Variants in TBC1D15 observed in about 807,000 individuals in gnomAD.
The protein encoded by TBC1D15 is TBC1 domain family member 15.
Under a neutral mutation model 95.4 loss-of-function variants are expected in TBC1D15, and 39 were observed. The ratio of observed to expected loss-of-function variants is 0.41; its 90% CI spans 0.32 to 0.53. The LOEUF is 0.53. TBC1D15 is among the 20% of genes least tolerant of loss of function. The pLI is 0.29. For synonymous variants in TBC1D15, 258 were observed against 261.3 expected (o/e 0.99, Z 0.12); for missense variants, 733 against 794.3 (o/e 0.92, Z 0.93).
Position 71,923,972 on chromosome 12 carries a change from A to G in TBC1D15, c.*768A>G, listed in dbSNP as rs1196828107. 1 of 152,560 alleles carries G rather than the reference A, an allele frequency of 6.6e-6. No individual in the cohort carries two copies. Among genetic ancestry groups the G allele is most frequent in the Non-Finnish European group, 1.5e-5 (1 of 67,996 alleles). 9.5% of individuals were successfully genotyped at this position (152,560 alleles called of 1,614,324 possible). A position where few individuals can be genotyped will look rare whatever the true frequency, so the allele number is the denominator to read the frequency against. ...TTCAAAACTATTTTCTTAAACATTT[A>G]TTTCATGAGATTATGTTCAACCCTG... On this transcript the variant is annotated 3_prime_UTR_variant, in exon 17 of 17. Transcript: ENST00000485960.
At chr12:71,849,698 A>G in intron 1 of TBC1D15, 2 of 551,488 alleles carry the variant, frequency 3.6e-6, no homozygotes, top group Non-Finnish European at 6.9e-6. Flanking sequence ...GGTCAGTCCC[A>G]GTACTGCTCT....
In TBC1D15 at chr12:71,864,506, T is replaced by G. The variant is rs529088102; in HGVS notation, c.31-7564T>G. ...TTGAGTGTTTTTTTTTTTTGTTTGT[T>G]TGTTTGTTTTGTTTTGTTTGAGATG... is the stretch of plus-strand genomic sequence containing the variant. On this transcript the variant is annotated intron_variant, in intron 1 of 16. Coordinates refer to ENST00000485960, the MANE Select transcript of TBC1D15 (RefSeq NM_001146213.3). Among the ~76,000 whole-genome samples, 15 of 152,036 alleles carry G rather than the reference T, an allele frequency of 9.9e-5. No individual in the cohort carries two copies. The South Asian group carries it at 3.1e-3, about 32-fold the overall frequency.
intron 11 of TBC1D15, among the ~76,000 whole-genome samples, chr12:71,912,735 A>C (rs1219038582): frequency 6.6e-6 from 1 of 152,106 alleles, no homozygotes; most frequent in African/African-American, 2.4e-5. Flanking sequence ...AAAAATGTAA[A>C]CTTTGGATTC....
intron 5 of TBC1D15, among the ~76,000 whole-genome samples, chr12:71,889,481 T>C (rs546868759): frequency 1.4e-4 from 21 of 152,256 alleles, no homozygotes; most frequent in African/African-American, 4.8e-4. Context: ...TGCCCAAATA[T>C]ATTATGCCAT....
At chr12:71,859,498 TCTC>T (rs140678323) in intron 1 of TBC1D15, among the ~76,000 whole-genome samples, 5,594 of 152,262 alleles carry the variant, frequency 0.037, 423 homozygotes, top group East Asian at 0.28. Context: ...TTTGCATTCT[TCTC>T]TGTAAAATCT....
chr12:71,911,381 C>T (rs567242256), intron 11 of TBC1D15, among the ~76,000 whole-genome samples: 8 of 151,856 alleles, frequency 5.3e-5, no homozygotes, highest in Admixed American at 4.6e-4. Context: ...TCCAAATGTC[C>T]AATAATGATA....
intron 1 of TBC1D15, chr12:71,854,507 A>G (rs1019088224): frequency 2.2e-6 from 1 of 453,368 alleles, no homozygotes; most frequent in Admixed American, 2.4e-5. Context: ...AGATTTTACC[A>G]TTTCCTTCTT....
intron 3 of TBC1D15, among the ~76,000 whole-genome samples, chr12:71,876,304 T>C (rs1448706352): frequency 6.6e-6 from 1 of 152,014 alleles, no homozygotes; most frequent in Admixed American, 6.6e-5. Flanking sequence ...ACACTGCTAT[T>C]TTTTTTTCCA....
At position 71,913,925 on chromosome 12, in the gene TBC1D15, T is replaced by C. The variant is rs370865879; in HGVS notation, c.1400T>C (p.Met467Thr). 1.3e-6 allele frequency: 2 copies of C among 1,582,376 alleles called. No homozygotes were observed. The highest frequency in any genetic ancestry group is 1.4e-5 in the African/African-American group (1 of 72,674). Residue 467 changes from methionine (M) to threonine (T), a missense_variant and splice_region_variant, in exon 12 of 17, where the codon ATG becomes ACG. Physicochemically the swap from Met to Thr is moderately conservative, Grantham distance 81. Coordinates refer to ENST00000485960, the MANE Select transcript of TBC1D15 (RefSeq NM_001146213.3). ...FWCFASYMDQ[M>T]HQNFEEQMQG... is the part of the protein sequence containing the mutation. Reference sequence around the variant, plus strand: ...TGCTTTGCCTCTTACATGGACCAAATGGTAAGAACAGAGATTCCTTCCATT... The same window carrying C: ...TGCTTTGCCTCTTACATGGACCAAACGGTAAGAACAGAGATTCCTTCCATT...
chr12:71,842,683 T>C (rs1423753467), intron 1 of TBC1D15, among the ~76,000 whole-genome samples: 2 of 151,092 alleles, frequency 1.3e-5, no homozygotes, highest in Non-Finnish European at 2.9e-5. Flanking sequence ...ATAAAAAAAT[T>C]AGCTAGTTGT....
intron 12 of TBC1D15, among the ~76,000 whole-genome samples, chr12:71,914,899 C>T: frequency 6.6e-6 from 1 of 151,858 alleles, no homozygotes; most frequent in Admixed American, 6.6e-5. Flanking sequence ...TTCAAATTTT[C>T]CCTGCTTGTG....
intron 9 of TBC1D15, 38 bp downstream of exon 9, chr12:71,896,818 C>A (rs777993087): frequency 2.0e-5 from 31 of 1,522,320 alleles, no homozygotes; most frequent in Non-Finnish European, 2.7e-5. Flanking sequence ...CAAAGAGATT[C>A]AAGTAACCCA....
intron 11 of TBC1D15, 178 bp downstream of exon 11, chr12:71,907,316 T>G (rs1324847227): frequency 7.3e-6 from 3 of 409,312 alleles, no homozygotes; most frequent in South Asian, 1.1e-4. Context: ...CCTGGGTTGC[T>G]GCAGCAAACT....
At position 71,872,954 on chromosome 12, in the gene TBC1D15, G is replaced by A. The variant is rs756211167; in HGVS notation, c.155G>A (p.Arg52Lys). Residue 52 changes from arginine to lysine, a missense_variant, in exon 3 of 17, where the codon AGA becomes AAA. Physicochemically the swap from Arg to Lys is conservative, Grantham distance 26. Transcript: ENST00000485960. ...EKDAEVIVDW[R>K]PLDDALDSSS... is the part of the protein sequence containing the mutation. Reference sequence around the variant, plus strand: ...GATGCCGAAGTAATAGTGGACTGGAGACCATTGGATGATGCATTAGATTCC... The same window carrying A: ...GATGCCGAAGTAATAGTGGACTGGAAACCATTGGATGATGCATTAGATTCC... 1 of 1,609,412 alleles carries A rather than the reference G, an allele frequency of 6.2e-7. No individual in the cohort carries two copies. Among genetic ancestry groups the A allele is most frequent in the Admixed American group, 1.7e-5 (1 of 59,038 alleles).
chr12:71,916,267 G>C (rs531548044), intron 12 of TBC1D15, among the ~76,000 whole-genome samples: 3 of 151,976 alleles, frequency 2.0e-5, no homozygotes, highest in African/African-American at 7.2e-5. Flanking sequence ...CCACTTTTTC[G>C]AATATGGTGT....
intron 1 of TBC1D15, among the ~76,000 whole-genome samples, chr12:71,848,571 A>G (rs1886923981): frequency 6.6e-6 from 1 of 151,260 alleles, no homozygotes; most frequent in Non-Finnish European, 1.5e-5. Context: ...TGTTCTTTTT[A>G]TGTCCTGGAT....
At chr12:71,866,151 C>T (rs1891451497) in intron 1 of TBC1D15, among the ~76,000 whole-genome samples, 2 of 151,866 alleles carry the variant, frequency 1.3e-5, no homozygotes, top group African/African-American at 4.8e-5. Flanking sequence ...GGGGATGGGC[C>T]AGTGGGCTGG....
intron 1 of TBC1D15, among the ~76,000 whole-genome samples, chr12:71,857,155 G>A (rs1889286135): frequency 6.6e-6 from 1 of 150,608 alleles, no homozygotes; most frequent in Admixed American, 6.6e-5. Context: ...TTGCTTTACT[G>A]CCCAGGATGG....
At chr12:71,918,826 T>G (rs1868287193) in intron 14 of TBC1D15, among the ~76,000 whole-genome samples, 1 of 152,232 alleles carries the variant, frequency 6.6e-6, no homozygotes, top group South Asian at 2.1e-4. Context: ...TTGTTCTTCC[T>G]TTGTGAGACT....
Sources: allele counts gnomAD v4.1 joint callset (sites outside exome capture counted in the v4.1 genomes callset), GRCh38; gene constraint gnomAD v4.1.1; transcripts MANE v1.5; gene names NCBI Gene and HGNC (gene_info 2026-07-23, HGNC 2026-07-21).